The following GLIS2 variants were observed in gnomAD, a reference collection of about 807,000 sequenced individuals.
The protein encoded by GLIS2 is GLIS family zinc finger 2.
A neutral mutation model predicts 35.6 loss-of-function variants in GLIS2; 14 were observed. The observed-to-expected ratio is 0.39, with a 90% CI of 0.26 to 0.61. The LOEUF is 0.61. Ranked by LOEUF, GLIS2 falls within the 20% of genes least tolerant of loss-of-function variation. The pLI is 0.48. For missense variants in GLIS2, 675 were observed against 713.4 expected (o/e 0.95, Z 0.61); for synonymous variants, 368 against 325.1 (o/e 1.13, Z -1.42).
At chr16:4,318,969 C>T (rs2053345764) in intron 1 of GLIS2, among the ~76,000 whole-genome samples, 1 of 152,122 alleles carries the variant, frequency 6.6e-6, no homozygotes, top group African/African-American at 2.4e-5. Context: ...AGATGTGGAG[C>T]TCTTGTGGGG....
upstream of GLIS2, among the ~76,000 whole-genome samples, chr16:4,316,045 G>T (rs1318743168): frequency 7.4e-5 from 3 of 40,328 alleles, no homozygotes; most frequent in African/African-American, 3.1e-4. Flanking sequence ...AGACATCCCC[G>T]CACGGCCCGG....
chr16:4,324,178 C>A (rs1375116155), intron 1 of GLIS2, among the ~76,000 whole-genome samples: 4 of 152,144 alleles, frequency 2.6e-5, no homozygotes, highest in Non-Finnish European at 5.9e-5. Flanking sequence ...GGCTGAGTGC[C>A]CCGTCTTGGG....
At position 4,337,445 on chromosome 16, in the gene GLIS2, G is replaced by C. The variant is rs1313433567; in HGVS notation, c.1496G>C (p.Ser499Thr). Residue 499 changes from serine (S) to threonine (T), a missense_variant, in exon 7 of 7, where the codon AGC (serine) becomes ACC (threonine). Around this residue, in one of 3 missense-constraint regions of GLIS2, gnomAD observed 317 missense variants for 283.2 expected, o/e 1.12. Transcript: ENST00000433375. ...DLSTGVNSAA[S>T]SPEALAPGWV... is the part of the protein sequence containing the mutation. ...TCCACGGGCGTCAACTCAGCTGCCA[G>C]CAGCCCAGAGGCGTTGGCCCCTGGC... The C allele has an allele frequency of 6.3e-7, 1 of 1,580,348 alleles. No individual in the cohort carries two copies. The highest frequency in any genetic ancestry group is 2.3e-5 in the East Asian group (1 of 43,622).
At chr16:4,322,499 T>C (rs1036846686) in intron 1 of GLIS2, among the ~76,000 whole-genome samples, 2 of 152,048 alleles carry the variant, frequency 1.3e-5, no homozygotes, top group Non-Finnish European at 2.9e-5. Flanking sequence ...ATCAGGGTGA[T>C]GGACTGTGTG....
intron 6 of GLIS2, chr16:4,336,007 C>T (rs561578490): frequency 8.4e-5 from 15 of 178,102 alleles, no homozygotes; most frequent in African/African-American, 3.6e-4. Context: ...CTACATGTGG[C>T]CCCCTGCTCT....
At position 4,325,070 on chromosome 16, in the gene GLIS2, C is replaced by T. The variant is rs909272261; in HGVS notation, c.-66-7145C>T. Among the ~76,000 whole-genome samples, 185 of 152,292 alleles carry T rather than the reference C, an allele frequency of 1.2e-3. 1 individual carries two copies. Among genetic ancestry groups the T allele is most frequent in the African/African-American group, 4.1e-3 (170 of 41,570 alleles). On this transcript the variant is annotated intron_variant, in intron 1 of 6. Coordinates refer to ENST00000433375, the MANE Select transcript of GLIS2 (RefSeq NM_032575.3). The stretch of plus-strand genomic sequence containing the variant: ...TCCCAGGAATCTGGGGCTGTGGGGC[C>T]GTTTGCTTTGGCAGCAGATCTGCCC...
chr16:4,337,550 C>T lies in GLIS2; in HGVS notation c.*26C>T. 1 of 1,542,926 alleles carries T rather than the reference C, an allele frequency of 6.5e-7. No individual in the cohort carries two copies. The highest frequency in any genetic ancestry group is 2.4e-5 in the East Asian group (1 of 41,828). On this transcript the variant is annotated 3_prime_UTR_variant, in exon 7 of 7. Coordinates refer to ENST00000433375, the MANE Select transcript of GLIS2 (RefSeq NM_032575.3). ...GCCCATCCTGCGGACAGTTGTGGTGCCCCCCCGGCAGCTCCCGGCACTGCC... is the reference window on the plus strand; with the variant it reads ...GCCCATCCTGCGGACAGTTGTGGTGTCCCCCCGGCAGCTCCCGGCACTGCC...
chr16:4,322,722 GT>G (rs1252407040), intron 1 of GLIS2, among the ~76,000 whole-genome samples: 4 of 152,030 alleles, frequency 2.6e-5, no homozygotes, highest in Non-Finnish European at 4.4e-5. Context: ...TGAATGCGTG[GT>G]TGGAGAACCG....
At chr16:4,321,090 G>C (rs1293471374) in intron 1 of GLIS2, among the ~76,000 whole-genome samples, 1 of 152,240 alleles carries the variant, frequency 6.6e-6, no homozygotes, top group Non-Finnish European at 1.5e-5. Flanking sequence ...GGAGGGCATG[G>C]GCTGGAGTCC....
intron 6 of GLIS2, 27 bp from the exon 7 acceptor site, chr16:4,336,698 G>GCGGCA (rs1483116680): frequency 6.4e-7 from 1 of 1,571,250 alleles, no homozygotes; most frequent in East Asian, 2.4e-5. Context: ...ACCCCTCATG[G>GCGGCA]CGGCACTGCA....
rs2053368360 is a variant in GLIS2, at chr16:4,320,632, C to T, written c.-67+4378C>T. ...GTGTCTGGAAGAAGCCTCTCCCCTT[C>T]CCTGCATCGTCTGCCTGGGGCTGTC... is the stretch of plus-strand genomic sequence containing the variant. On this transcript the variant is annotated intron_variant, in intron 1 of 6. Coordinates refer to ENST00000433375, the MANE Select transcript of GLIS2 (RefSeq NM_032575.3). This position sits in a 1 kb window ranked among gnomAD's most constrained non-coding sequence, Gnocchi z 5.6. Among the ~76,000 whole-genome samples, 2 of 152,186 alleles carry T rather than the reference C, an allele frequency of 1.3e-5. No individual in the cohort carries two copies. The highest frequency in any genetic ancestry group is 1.3e-4 in the Admixed American group (2 of 15,290).
chr16:4,322,037 C>A (rs868323922), intron 1 of GLIS2, among the ~76,000 whole-genome samples: 28 of 151,922 alleles, frequency 1.8e-4, no homozygotes, highest in African/African-American at 6.3e-4. Context: ...CCAGGGAGCA[C>A]TTGGTGGAGG....
chr16:4,317,560 C>A (rs969984258), intron 1 of GLIS2, among the ~76,000 whole-genome samples: 1 of 152,168 alleles, frequency 6.6e-6, no homozygotes, highest in African/African-American at 2.4e-5. Context: ...GCTGTCCAGG[C>A]CCAGCCCACA....
In GLIS2 at chr16:4,339,498, T is replaced by C. The variant is rs1775203020; in HGVS notation, c.*1974T>C. Reference sequence around the variant, plus strand: ...CCTCTTGGCTCCATTGCTGTTAGCATAGAGTTTTAAAAAAAGAGATAAGCT... The same window carrying C: ...CCTCTTGGCTCCATTGCTGTTAGCACAGAGTTTTAAAAAAAGAGATAAGCT... On this transcript the variant is annotated 3_prime_UTR_variant, in exon 7 of 7. Coordinates refer to ENST00000433375, the MANE Select transcript of GLIS2 (RefSeq NM_032575.3). 6.6e-6 allele frequency: 1 copy of C among 152,416 alleles called. No homozygotes were observed. Among genetic ancestry groups the C allele is most frequent in the African/African-American group, 2.4e-5 (1 of 41,440 alleles). The allele number at this position is 152,416 out of a possible 1,614,324, so 9.4% of individuals were successfully genotyped here.
chr16:4,319,313 G>A (rs934765785), intron 1 of GLIS2, among the ~76,000 whole-genome samples: 1 of 152,304 alleles, frequency 6.6e-6, no homozygotes, highest in African/African-American at 2.4e-5. Context: ...GGGGTAGGGG[G>A]CATCCCCAGC....
chr16:4,333,661 T>TCCC, intron 3 of GLIS2, 142 bp downstream of exon 3: 3 of 990,744 alleles, frequency 3.0e-6, no homozygotes, highest in Non-Finnish European at 4.3e-6. Context: ...CCTGGAAGGC[T>TCCC]CTAGGGGAGA....
chr16:4,333,054 G>C (rs529449003), intron 2 of GLIS2, among the ~76,000 whole-genome samples: 1 of 152,292 alleles, frequency 6.6e-6, no homozygotes, highest in Admixed American at 6.5e-5. Flanking sequence ...AGGGGCCCTG[G>C]GTTCGAGTCC....
At chr16:4,316,752 G>A (rs749449129) in intron 1 of GLIS2, among the ~76,000 whole-genome samples, 31 of 152,154 alleles carry the variant, frequency 2.0e-4, no homozygotes, top group South Asian at 4.1e-4. Context: ...CGCAAGCCCG[G>A]GTCCTTCCTT....
In GLIS2 at chr16:4,335,385, C is replaced by T. The variant is rs746041557; in HGVS notation, c.767C>T (p.Ser256Leu). 9 of 1,613,534 alleles carry T rather than the reference C, an allele frequency of 5.6e-6. No homozygotes were observed. The highest frequency in any genetic ancestry group is 6.8e-6 in the Non-Finnish European group (8 of 1,179,998). Residue 256 changes from serine (S) to leucine (L), a missense_variant, in exon 6 of 7, where the codon TCG becomes TTG. Around this residue, in one of 3 missense-constraint regions of GLIS2, gnomAD observed 133 missense variants for 191.4 expected, o/e 0.69. Coordinates refer to ENST00000433375, the MANE Select transcript of GLIS2 (RefSeq NM_032575.3). The surrounding 1 kb of genome is among the most constrained non-coding windows in gnomAD (Gnocchi z 4.6). ...GAGAACCTGAAGATCCACAACCGGT[C>T]GCACACAGGTAAGAGGCCGGGGCCG... ...RLENLKIHNR[S>L]HTGEKPYVCP...
Sources: allele counts gnomAD v4.1 joint callset (sites outside exome capture counted in the v4.1 genomes callset), GRCh38; gene constraint gnomAD v4.1.1; regional missense constraint gnomAD v4.1.1; non-coding constraint Gnocchi (gnomAD v3.1); transcripts MANE v1.5; gene names NCBI Gene and HGNC (gene_info 2026-07-23, HGNC 2026-07-21).